The following IMMP2L variants were observed in gnomAD, a reference collection of about 807,000 sequenced individuals.
IMMP2L encodes the protein mitochondrial inner membrane protease subunit 2.
Under a neutral mutation model 19.3 loss-of-function variants are expected in IMMP2L, and 18 were observed. That is an observed-to-expected ratio of 0.93 (90% CI 0.64 to 1.38). The LOEUF (loss-of-function observed/expected upper bound fraction) is 1.38. Ranked by LOEUF, IMMP2L falls within the 40% of genes most tolerant of loss-of-function variation. The pLI is 0.00. For missense variants in IMMP2L, 233 were observed against 218.2 expected (o/e 1.07, Z -0.43); for synonymous variants, 76 against 73.0 (o/e 1.04, Z -0.21).
intron 3 of IMMP2L, among the ~76,000 whole-genome samples, chr7:111,290,849 C>A (rs926830327): frequency 1.3e-5 from 2 of 151,150 alleles, no homozygotes; most frequent in Non-Finnish European, 2.9e-5. Flanking sequence ...CACACACACA[C>A]ACACACACAT....
chr7:111,506,700 T>G (rs1213630476), intron 2 of IMMP2L, among the ~76,000 whole-genome samples: 1 of 151,736 alleles, frequency 6.6e-6, no homozygotes, highest in Non-Finnish European at 1.5e-5. Context: ...CGACCCTTAA[T>G]TTTTTTCAAA....
chr7:110,915,492 G>T (rs1465665628), intron 4 of IMMP2L, among the ~76,000 whole-genome samples: 1 of 152,148 alleles, frequency 6.6e-6, no homozygotes, highest in African/African-American at 2.4e-5. Context: ...TTGGTCAAAG[G>T]GTACAAAGTT....
Position 110,772,431 on chromosome 7 carries a change from G to A in IMMP2L, c.409-108710C>T, listed in dbSNP as rs571875113. The stretch of plus-strand genomic sequence containing the variant: ...TAAGCAGTCACCCAATTTAACCTAC[G>A]GCTGCTTTAAGAACAGCACTATCCT... On this transcript the variant is annotated intron_variant, in intron 5 of 5. Transcript: ENST00000405709. Among the ~76,000 whole-genome samples, 15 of 152,146 alleles carry A rather than the reference G, an allele frequency of 9.9e-5. 1 individual carries two copies. Among genetic ancestry groups the A allele is most frequent in the Middle Eastern group, 3.4e-3 (1 of 294 alleles).
chr7:110,851,848 T>C (rs991111503), intron 5 of IMMP2L, among the ~76,000 whole-genome samples: 17 of 152,140 alleles, frequency 1.1e-4, no homozygotes, highest in Non-Finnish European at 2.1e-4. Context: ...ACAGATGGAA[T>C]TTTCTAATAG....
intron 3 of IMMP2L, among the ~76,000 whole-genome samples, chr7:110,987,466 A>T (rs540739501): frequency 7.9e-5 from 12 of 152,308 alleles, no homozygotes; most frequent in African/African-American, 2.6e-4. Context: ...CAAGTATGTC[A>T]AAGTTTCCTT....
chr7:111,249,492 C>T lies in IMMP2L; in HGVS notation c.239+237746G>A, dbSNP rs564271636. Among the ~76,000 whole-genome samples the T allele has an allele frequency of 1.1e-4, 17 of 151,928 alleles. No homozygotes were observed. In the South Asian group the frequency reaches 2.1e-3, roughly 19 times the overall value. ...AAATCACCGTCTTCTGCGTCGCTCA[C>T]GCTGGGAGCTGTAGACCGGAGCTGT... On this transcript the variant is annotated intron_variant, in intron 3 of 5. Coordinates refer to ENST00000405709, the MANE Select transcript of IMMP2L (RefSeq NM_032549.4).
At chr7:110,782,397 T>C (rs1328803040) in intron 5 of IMMP2L, among the ~76,000 whole-genome samples, 1 of 151,934 alleles carries the variant, frequency 6.6e-6, no homozygotes, top group African/African-American at 2.4e-5. Context: ...TACTTTAGTA[T>C]TGTCAATTTG....
At chr7:111,212,207 GA>G (rs1811401631) in intron 3 of IMMP2L, among the ~76,000 whole-genome samples, 1 of 151,870 alleles carries the variant, frequency 6.6e-6, no homozygotes, top group South Asian at 2.1e-4. Context: ...CTTTCTGGGG[GA>G]ATTATAAGGA....
At chr7:111,463,182 T>G (rs896712889) in intron 3 of IMMP2L, among the ~76,000 whole-genome samples, 5 of 152,058 alleles carry the variant, frequency 3.3e-5, no homozygotes, top group Non-Finnish European at 7.4e-5. Context: ...CTTCCGTGTG[T>G]GTGTGTGTGT....
At chr7:111,524,378 C>T (rs908633786) in intron 1 of IMMP2L, among the ~76,000 whole-genome samples, 11 of 151,998 alleles carry the variant, frequency 7.2e-5, no homozygotes, top group African/African-American at 4.8e-5. Context: ...AGAAAGGAAA[C>T]GGCTCAACAG....
At chr7:111,336,431 G>T (rs1826414436) in intron 3 of IMMP2L, among the ~76,000 whole-genome samples, 1 of 151,928 alleles carries the variant, frequency 6.6e-6, no homozygotes, top group Admixed American at 6.6e-5. Context: ...TAGTTATGAT[G>T]ACACTTCTCA....
chr7:111,429,028 T>TAA, intron 3 of IMMP2L, among the ~76,000 whole-genome samples: 1 of 152,034 alleles, frequency 6.6e-6, no homozygotes, highest in South Asian at 2.1e-4. Flanking sequence ...GACAGATACA[T>TAA]AAGTAGTTGG....
At chr7:111,184,144 T>C (rs2129611621) in intron 3 of IMMP2L, among the ~76,000 whole-genome samples, 1 of 152,086 alleles carries the variant, frequency 6.6e-6, no homozygotes, top group East Asian at 1.9e-4. Context: ...TTATTAGAGA[T>C]ATATGAGCAG....
chr7:110,815,767 T>G (rs905418768), intron 5 of IMMP2L, among the ~76,000 whole-genome samples: 4 of 151,986 alleles, frequency 2.6e-5, no homozygotes, highest in South Asian at 2.1e-4. Context: ...AGTGTTTGTA[T>G]TATTCTCTGA....
intron 3 of IMMP2L, among the ~76,000 whole-genome samples, chr7:111,387,988 A>AAAAAAAAAAAAAAAAAAC (rs1563131624): frequency 2.9e-4 from 43 of 150,658 alleles, no homozygotes; most frequent in African/African-American, 1.1e-3. Context: ...AAAAAAAAAA[A>AAAAAAAAAAAAAAAAAAC]AAAAAAAAAA....
At chr7:111,011,581 A>G (rs1198031452) in intron 3 of IMMP2L, among the ~76,000 whole-genome samples, 1 of 152,178 alleles carries the variant, frequency 6.6e-6, no homozygotes. Context: ...GACCAGGATC[A>G]TTTCTTATAG....
chr7:111,124,305 C>A, intron 3 of IMMP2L: 1 of 1,613,752 alleles, frequency 6.2e-7, no homozygotes, highest in Non-Finnish European at 8.5e-7. Context: ...CTGTTATGAT[C>A]AAAGTGGATG....
rs200378545 is a variant in IMMP2L, at chr7:110,800,553, TAAG to T, written c.408+86037_408+86039del. 4.6e-5 allele frequency among the ~76,000 whole-genome samples: 7 copies of T among 152,208 alleles called. No homozygotes were observed. The East Asian group carries it at 9.7e-4, about 21-fold the overall frequency. ...CACCTGCCAACTCTTTGAGAAGTTATAAGAAGAAGGAATCATAGTTTCTTCCCA... is the reference window on the plus strand; with the variant it reads ...CACCTGCCAACTCTTTGAGAAGTTATAAGAAGGAATCATAGTTTCTTCCCA... On this transcript the variant is annotated intron_variant, in intron 5 of 5. Transcript: ENST00000405709.
intron 3 of IMMP2L, among the ~76,000 whole-genome samples, chr7:110,982,464 G>T (rs1382690244): frequency 6.6e-6 from 1 of 152,046 alleles, no homozygotes; most frequent in Non-Finnish European, 1.5e-5. Context: ...ATCAAAATTT[G>T]CACCTTTGTT....
Sources: gnomAD v4.1 joint callset for allele counts (sites outside exome capture counted in the v4.1 genomes callset) on GRCh38, gnomAD v4.1.1 for gene constraint, MANE v1.5 for transcripts, NCBI Gene and HGNC (gene_info 2026-07-23, HGNC 2026-07-21) for gene names.